The following LMBR1 variants were observed in gnomAD, a reference collection of about 807,000 sequenced individuals.
The protein encoded by LMBR1 is limb region 1 protein homolog.
Under a neutral mutation model 73.9 loss-of-function variants are expected in LMBR1, and 52 were observed. The observed-to-expected ratio is 0.70, with a 90% CI of 0.56 to 0.89. The LOEUF (loss-of-function observed/expected upper bound fraction) is 0.89. Among genes scored for constraint, LMBR1 ranks in the 40% least tolerant of loss-of-function variants. The pLI is 0.00. For synonymous variants in LMBR1, 215 were observed against 209.4 expected, an observed-to-expected ratio of 1.03 and a Z score of -0.23; for missense variants, 539 against 579.8, an observed-to-expected ratio of 0.93 and a Z score of 0.72.
chr7:156,783,617 A>AT lies in LMBR1; in HGVS notation c.423+12771dup, dbSNP rs545821585. On this transcript the variant is annotated intron_variant, in intron 5 of 16. Transcript: ENST00000353442. ...TTCAGTTTGTTGCTGGTATTTATTGATTTTTTTAAATATATTAATCCTTGT... is the reference window on the plus strand; with the variant it reads ...TTCAGTTTGTTGCTGGTATTTATTGATTTTTTTTAAATATATTAATCCTTGT... Among the ~76,000 whole-genome samples, 104 of 152,106 alleles carry AT rather than the reference A, an allele frequency of 6.8e-4. 1 individual carries two copies. The highest frequency in any genetic ancestry group is 1.3e-3 in the Non-Finnish European group (87 of 67,970).
In LMBR1 at chr7:156,874,256, C is replaced by T. The variant is rs1322768681; in HGVS notation, c.66+18672G>A. Among the ~76,000 whole-genome samples the T allele has an allele frequency of 8.5e-5, 13 of 152,378 alleles. No individual in the cohort carries two copies. In the East Asian group the frequency reaches 2.3e-3, roughly 27 times the overall value. On this transcript the variant is annotated intron_variant, in intron 1 of 16. Coordinates refer to ENST00000353442, the MANE Select transcript of LMBR1 (RefSeq NM_022458.4). The stretch of plus-strand genomic sequence containing the variant: ...CAGCCACTGGCCTGGGTGCTAAGTC[C>T]CTCATTGCCCGGGGCCAGCAGGGCC...
rs879335567 is a variant in LMBR1 at position 156,682,895 on chromosome 7, G to A, written c.*1183C>T. 3 of 152,166 alleles carry A rather than the reference G, an allele frequency of 2.0e-5. No homozygotes were observed. Among genetic ancestry groups the A allele is most frequent in the Admixed American group, 2.0e-4 (3 of 15,290 alleles). The allele number at this position is 152,166 out of a possible 1,614,324, so 9.4% of individuals were successfully genotyped here. A position where few individuals can be genotyped will look rare whatever the true frequency, so the allele number is the denominator to read the frequency against. ...ATGGGCCCATCTCCTATTTTTGCAT[G>A]CACAGATTTCGGTATTCTATCCTAG... On this transcript the variant is annotated 3_prime_UTR_variant, in exon 17 of 17. Transcript: ENST00000353442.
intron 1 of LMBR1, among the ~76,000 whole-genome samples, chr7:156,891,546 T>A (rs1802990603): frequency 6.6e-6 from 1 of 152,006 alleles, no homozygotes; most frequent in South Asian, 2.1e-4. Context: ...TTACCCTTGG[T>A]GGAGGAGAAA....
intron 5 of LMBR1, 47 bp from the exon 6 acceptor site, chr7:156,763,842 A>G (rs990117935): frequency 6.7e-7 from 1 of 1,496,312 alleles, no homozygotes; most frequent in Non-Finnish European, 9.1e-7. Flanking sequence ...ACTTCATTTC[A>G]TGAACAATAA....
chr7:156,696,619 T>G (rs922084145), intron 15 of LMBR1, among the ~76,000 whole-genome samples: 8 of 152,166 alleles, frequency 5.3e-5, no homozygotes, highest in African/African-American at 1.7e-4. Flanking sequence ...GAAGCTCCCC[T>G]TTTGAAAACC....
At chr7:156,775,596 T>C (rs1439268773) in intron 5 of LMBR1, among the ~76,000 whole-genome samples, 1 of 152,210 alleles carries the variant, frequency 6.6e-6, no homozygotes, top group Non-Finnish European at 1.5e-5. Context: ...TTTTTAAAAA[T>C]ACATTTAGAA....
intron 5 of LMBR1, among the ~76,000 whole-genome samples, chr7:156,793,099 C>T (rs1055099074): frequency 4.6e-5 from 7 of 152,248 alleles, no homozygotes; most frequent in Non-Finnish European, 8.8e-5. Context: ...AATATATGTA[C>T]TTATTCGCCA....
Position 156,892,997 on chromosome 7 carries a change from C to A in LMBR1, c.-4G>T. 1.3e-6 allele frequency: 2 copies of A among 1,523,736 alleles called. No homozygotes were observed. Among genetic ancestry groups the A allele is most frequent in the Non-Finnish European group, 1.8e-6 (2 of 1,142,840 alleles). 94.4% of individuals were successfully genotyped at this position (1,523,736 alleles called of 1,614,324 possible). A position where few individuals can be genotyped will look rare whatever the true frequency, so the allele number is the denominator to read the frequency against. On this transcript the variant is annotated 5_prime_UTR_variant, in exon 1 of 17. An upstream open reading frame in the 5' UTR gains an earlier in-frame stop. Coordinates refer to ENST00000353442, the MANE Select transcript of LMBR1 (RefSeq NM_022458.4). ...ACACCTCGTCCTGCCCTTCCATCCT[C>A]CTTCATGCCCGCCGCCGCGCCGCCC...
chr7:156,740,503 A>G (rs1396873435), intron 9 of LMBR1, among the ~76,000 whole-genome samples: 2 of 152,198 alleles, frequency 1.3e-5, no homozygotes, highest in African/African-American at 2.4e-5. Context: ...AGCAAGAGAA[A>G]AGAAACAAGT....
chr7:156,812,383 T>C (rs903824138), intron 4 of LMBR1, among the ~76,000 whole-genome samples: 22 of 151,704 alleles, frequency 1.5e-4, no homozygotes, highest in African/African-American at 5.3e-4. Flanking sequence ...GCAGAGGACT[T>C]TCTCCAGCTG....
chr7:156,764,306 A>ACTTT, intron 5 of LMBR1, among the ~76,000 whole-genome samples: 1 of 152,302 alleles, frequency 6.6e-6, no homozygotes, highest in East Asian at 1.9e-4. Flanking sequence ...ATTATAAACT[A>ACTTT]TAGAGATACT....
At chr7:156,861,855 C>A (rs1797766901) in intron 1 of LMBR1, among the ~76,000 whole-genome samples, 1 of 152,152 alleles carries the variant, frequency 6.6e-6, no homozygotes, top group South Asian at 2.1e-4. Context: ...CATCTGAGAC[C>A]ACCTCTGCCT....
intron 1 of LMBR1, among the ~76,000 whole-genome samples, chr7:156,855,288 A>G (rs976734161): frequency 6.6e-6 from 1 of 152,216 alleles, no homozygotes; most frequent in Non-Finnish European, 1.5e-5. Flanking sequence ...TGAGCTCATC[A>G]GTAGACTAGA....
chr7:156,761,989 A>AAG, intron 8 of LMBR1, 145 bp downstream of exon 8: 2 of 584,942 alleles, frequency 3.4e-6, no homozygotes, highest in Non-Finnish European at 6.0e-6. Context: ...AAAAAAAAAA[A>AAG]AAACTTAATA....
rs914476346 is a variant in LMBR1 at position 156,873,372 on chromosome 7, C to T, written c.66+19556G>A. On this transcript the variant is annotated intron_variant, in intron 1 of 16. Transcript: ENST00000353442. ...CAGATCTTCGCGGTGAGTGTTACAG[C>T]TCATAAAAGCAGCGTGGACCCAAAG... Among the ~76,000 whole-genome samples, 4 of 152,134 alleles carry T rather than the reference C, an allele frequency of 2.6e-5. No homozygotes were observed. The South Asian group carries it at 8.3e-4, about 32-fold the overall frequency.
chr7:156,856,921 C>G (rs1003444739), intron 1 of LMBR1, among the ~76,000 whole-genome samples: 8 of 151,848 alleles, frequency 5.3e-5, no homozygotes, highest in Non-Finnish European at 1.0e-4. Context: ...CTGCACTACT[C>G]ATGAAGCAAT....
At chr7:156,812,766 T>G (rs1833308705) in intron 4 of LMBR1, among the ~76,000 whole-genome samples, 1 of 152,166 alleles carries the variant, frequency 6.6e-6, no homozygotes, top group African/African-American at 2.4e-5. Flanking sequence ...TACCCATCAG[T>G]GTAAAACAAA....
chr7:156,746,333 G>C (rs1388722993), intron 9 of LMBR1, among the ~76,000 whole-genome samples: 4 of 152,066 alleles, frequency 2.6e-5, no homozygotes, highest in Non-Finnish European at 5.9e-5. Flanking sequence ...ATAAGCTCAT[G>C]AGTATTTAGA....
intron 15 of LMBR1, among the ~76,000 whole-genome samples, chr7:156,699,072 T>TA (rs1184439251): frequency 2.0e-5 from 3 of 152,202 alleles, no homozygotes; most frequent in Non-Finnish European, 4.4e-5. Context: ...CCAGACACCC[T>TA]AAATCATCTC....
Sources: gnomAD v4.1 joint callset for allele counts (sites outside exome capture counted in the v4.1 genomes callset) on GRCh38, gnomAD v4.1.1 for gene constraint, MANE v1.5 for transcripts, NCBI Gene and HGNC (gene_info 2026-07-23, HGNC 2026-07-21) for gene names.